PTPRM: variants seen among roughly 807,000 people sequenced by gnomAD.
PTPRM encodes receptor-type tyrosine-protein phosphatase mu.
In PTPRM, 47 loss-of-function variants were observed where a neutral mutation model predicts 186.7. That is an observed-to-expected ratio of 0.25 (90% confidence interval 0.20 to 0.32). The LOEUF is 0.32. Among genes scored for constraint, PTPRM ranks in the 10% least tolerant of loss-of-function variants. The pLI, the probability that PTPRM is intolerant of heterozygous loss-of-function variation, is 1.00. For missense variants in PTPRM, 1,494 were observed against 1,865.0 expected (o/e 0.80, Z 3.66); for synonymous variants, 668 against 674.9 (o/e 0.99, Z 0.16).
chr18:7,960,476 T>TACACACACACAC (rs756838680), intron 7 of PTPRM, among the ~76,000 whole-genome samples: 2 of 114,444 alleles, frequency 1.7e-5, no homozygotes, highest in African/African-American at 7.2e-5. Flanking sequence ...TATATATATA[T>TACACACACACAC]ATATACACAC....
intron 2 of PTPRM, among the ~76,000 whole-genome samples, chr18:7,823,742 G>T (rs1464413168): frequency 1.3e-5 from 2 of 152,166 alleles, no homozygotes; most frequent in African/African-American, 4.8e-5. Flanking sequence ...TCAGTGATTT[G>T]CCAGGGGCCC....
Position 7,567,913 on chromosome 18 carries a change from GC to G in PTPRM, c.73+27del. 5 of 1,536,550 alleles carry G rather than the reference GC, an allele frequency of 3.3e-6. No homozygotes were observed. The highest frequency in any genetic ancestry group is 2.2e-5 in the Admixed American group (1 of 45,550). ...TCAGGTAAGCGGGACCGCCTCTGCC[GC>G]CCCCGAGGCGCGCGGGCCGGCGCGG... On this transcript the variant is annotated intron_variant, in intron 1 of 32. Coordinates refer to ENST00000580170, the MANE Select transcript of PTPRM (RefSeq NM_001105244.2). This position sits in a 1 kb window ranked among gnomAD's most constrained non-coding sequence, Gnocchi z 4.3.
At chr18:7,867,048 T>A (rs2047741635) in intron 2 of PTPRM, among the ~76,000 whole-genome samples, 1 of 152,236 alleles carries the variant, frequency 6.6e-6, no homozygotes, top group African/African-American at 2.4e-5. Flanking sequence ...TCCTTTTACT[T>A]GGAAAATATT....
intron 9 of PTPRM, among the ~76,000 whole-genome samples, chr18:8,083,328 C>A (rs67464310): frequency 0.34 from 52,022 of 152,050 alleles, 9,882 homozygotes; most frequent in Non-Finnish European, 0.43. Flanking sequence ...CTTCTCAAGC[C>A]CCCAAGGAAC....
rs112471356 is a variant in PTPRM, at chr18:7,794,710, C to T, written c.196+20439C>T. ...AGTGTACTTTTTAGATTGTGAGTAG[C>T]GTAACTATATTACATTATAATTGTT... On this transcript the variant is annotated intron_variant, in intron 2 of 32. Transcript: ENST00000580170. Among the ~76,000 whole-genome samples the T allele has an allele frequency of 9.0e-3, 1,365 of 152,176 alleles. 21 individuals carry two copies. The highest frequency in any genetic ancestry group is 0.017 in the Middle Eastern group (5 of 294).
intron 1 of PTPRM, among the ~76,000 whole-genome samples, chr18:7,665,443 A>C (rs957001302): frequency 3.9e-5 from 6 of 152,140 alleles, no homozygotes; most frequent in African/African-American, 1.2e-4. Flanking sequence ...TTACCTCGTA[A>C]ATTTTTCCAG....
At chr18:8,054,346 T>C (rs1325008676) in intron 7 of PTPRM, among the ~76,000 whole-genome samples, 1 of 147,428 alleles carries the variant, frequency 6.8e-6, no homozygotes, top group Non-Finnish European at 1.5e-5. Context: ...GGTAGACTTC[T>C]GTGTACCACT....
At chr18:7,911,267 C>T (rs2050247935) in intron 4 of PTPRM, among the ~76,000 whole-genome samples, 1 of 152,208 alleles carries the variant, frequency 6.6e-6, no homozygotes, top group Non-Finnish European at 1.5e-5. Flanking sequence ...GTATCATGCT[C>T]TCAGACATAT....
rs1598426159 is a variant in PTPRM, at chr18:7,567,751, C to T, written c.-68C>T. Reference sequence around the variant, plus strand: ...CCTCGCTGCCTCGGAACCAAAGCTCCCGGCCCCCTCCGCCCTCGCGCGCCC... The same window carrying T: ...CCTCGCTGCCTCGGAACCAAAGCTCTCGGCCCCCTCCGCCCTCGCGCGCCC... On this transcript the variant is annotated 5_prime_UTR_variant, in exon 1 of 33. Coordinates refer to ENST00000580170, the MANE Select transcript of PTPRM (RefSeq NM_001105244.2). This position sits in a 1 kb window ranked among gnomAD's most constrained non-coding sequence, Gnocchi z 4.3. 1 of 1,403,168 alleles carries T rather than the reference C, an allele frequency of 7.1e-7. No homozygotes were observed. The highest frequency in any genetic ancestry group is 1.4e-5 in the South Asian group (1 of 71,594). The allele number at this position is 1,403,168 out of a possible 1,614,324, so 86.9% of individuals were successfully genotyped here. A position where few individuals can be genotyped will look rare whatever the true frequency, so the allele number is the denominator to read the frequency against.
intron 2 of PTPRM, among the ~76,000 whole-genome samples, chr18:7,842,433 C>T (rs1167073726): frequency 6.6e-6 from 1 of 152,126 alleles, no homozygotes; most frequent in Non-Finnish European, 1.5e-5. Context: ...AATTTGTGTC[C>T]ACTTGGCCAG....
chr18:7,820,523 G>T (rs1042888779), intron 2 of PTPRM, among the ~76,000 whole-genome samples: 7 of 152,082 alleles, frequency 4.6e-5, no homozygotes, highest in African/African-American at 1.7e-4. Context: ...GAATCTGTTG[G>T]CAAGACACTG....
intron 14 of PTPRM, among the ~76,000 whole-genome samples, chr18:8,173,165 A>G (rs1044473939): frequency 4.6e-5 from 7 of 152,190 alleles, no homozygotes; most frequent in Non-Finnish European, 1.0e-4. Context: ...ACAATTTTAG[A>G]TTGAAAATGA....
At chr18:7,758,367 C>T (rs893225661) in intron 1 of PTPRM, among the ~76,000 whole-genome samples, 2 of 152,120 alleles carry the variant, frequency 1.3e-5, no homozygotes, top group African/African-American at 4.8e-5. Flanking sequence ...GATCAGTAAC[C>T]TTTAAAGAAA....
intron 30 of PTPRM, among the ~76,000 whole-genome samples, chr18:8,386,642 A>T (rs1194377943): frequency 6.6e-6 from 1 of 152,254 alleles, no homozygotes; most frequent in African/African-American, 2.4e-5. Context: ...CAACATCAAT[A>T]AGCAAAACCA....
chr18:8,229,195 T>C (rs1249071051), intron 14 of PTPRM, among the ~76,000 whole-genome samples: 3 of 152,120 alleles, frequency 2.0e-5, no homozygotes, highest in Non-Finnish European at 4.4e-5. Flanking sequence ...GCCTACCACA[T>C]GCCAGGCACT....
intron 7 of PTPRM, among the ~76,000 whole-genome samples, chr18:8,047,085 A>G (rs1016818111): frequency 2.0e-5 from 3 of 152,198 alleles, no homozygotes; most frequent in Non-Finnish European, 2.9e-5. Context: ...TTTTTAAGTT[A>G]TTTATCATAT....
At chr18:7,714,483 C>T (rs866896122) in intron 1 of PTPRM, among the ~76,000 whole-genome samples, 3 of 152,060 alleles carry the variant, frequency 2.0e-5, no homozygotes, top group Middle Eastern at 6.8e-3. Context: ...CAAATAAATT[C>T]AAAAGCTAGC....
chr18:8,097,665 A>G (rs925406582), intron 11 of PTPRM, among the ~76,000 whole-genome samples: 1 of 152,200 alleles, frequency 6.6e-6, no homozygotes. Flanking sequence ...TGAAATCTCA[A>G]CAGGAGAATC....
chr18:7,615,454 G>T (rs1370427756), intron 1 of PTPRM, among the ~76,000 whole-genome samples: 5 of 152,202 alleles, frequency 3.3e-5, no homozygotes, highest in South Asian at 4.2e-4. Context: ...CTCTCCGAAA[G>T]GCCCTGTGTC....
Sources: gnomAD v4.1 joint callset for allele counts (sites outside exome capture counted in the v4.1 genomes callset) on GRCh38, gnomAD v4.1.1 for gene constraint, Gnocchi (gnomAD v3.1) non-coding constraint, MANE v1.5 for transcripts, NCBI Gene and HGNC (gene_info 2026-07-23, HGNC 2026-07-21) for gene names.